The following PTPRD variants were observed in gnomAD, a reference collection of about 807,000 sequenced individuals.
PTPRD encodes the protein protein tyrosine phosphatase receptor type D.
In PTPRD, 34 loss-of-function variants were observed where a neutral mutation model predicts 214.5. The observed-to-expected ratio is 0.16, with a 90% CI of 0.12 to 0.21. The LOEUF is 0.21. PTPRD is among the 10% of genes least tolerant of loss of function. PTPRD has a pLI of 1.00. For synonymous variants in PTPRD, 1,128 were observed against 845.7 expected (o/e 1.33, Z -5.79); for missense variants, 2,545 against 2,398.7 (o/e 1.06, Z -1.27).
At chr9:8,407,307 G>GT (rs935002026) in intron 35 of PTPRD, among the ~76,000 whole-genome samples, 6 of 152,124 alleles carry the variant, frequency 3.9e-5, no homozygotes, top group East Asian at 1.9e-4. Context: ...GGTAGGTATT[G>GT]TTTTTTTCCA....
intron 11 of PTPRD, among the ~76,000 whole-genome samples, chr9:8,824,085 G>A (rs1290405350): frequency 6.6e-6 from 1 of 152,128 alleles, no homozygotes; most frequent in Non-Finnish European, 1.5e-5. Context: ...CTTTGGTGTT[G>A]GTGGGTTTTG....
At chr9:8,337,616 A>C (rs897374779) in intron 43 of PTPRD, among the ~76,000 whole-genome samples, 2 of 151,828 alleles carry the variant, frequency 1.3e-5, no homozygotes, top group East Asian at 3.9e-4. Flanking sequence ...ACAGACAAAC[A>C]GCAAATGTAG....
At position 9,535,059 on chromosome 9, in the gene PTPRD, A is replaced by T. The variant is rs184702768; in HGVS notation, c.-237+39673T>A. Among the ~76,000 whole-genome samples, 29 of 152,192 alleles carry T rather than the reference A, an allele frequency of 1.9e-4. No homozygotes were observed. In the East Asian group the frequency reaches 4.5e-3, roughly 23 times the overall value. On this transcript the variant is annotated intron_variant, in intron 8 of 45. Transcript: ENST00000381196. ...GATATAAGTGGCAGCATCTTTAAAT[A>T]TGGAAAAGTAGATTTGCTTTTCTTT...
chr9:8,593,846 A>G (rs1442022763), intron 14 of PTPRD, among the ~76,000 whole-genome samples: 1 of 152,186 alleles, frequency 6.6e-6, no homozygotes, highest in Non-Finnish European at 1.5e-5. Context: ...TGGATACAAC[A>G]TGATTAAAGA....
chr9:9,617,484 T>C (rs920634215), intron 7 of PTPRD, among the ~76,000 whole-genome samples: 13 of 152,114 alleles, frequency 8.5e-5, no homozygotes, highest in African/African-American at 2.9e-4. Context: ...TGGACACAGA[T>C]TGAATAATGG....
intron 32 of PTPRD, among the ~76,000 whole-genome samples, 182 bp from the exon 33 acceptor site, chr9:8,460,753 T>C (rs1237136653): frequency 6.6e-6 from 1 of 152,052 alleles, no homozygotes; most frequent in African/African-American, 2.4e-5. Flanking sequence ...GGAAGATGTT[T>C]TGTAATACAA....
chr9:10,537,785 C>A (rs1252586855), intron 2 of PTPRD, among the ~76,000 whole-genome samples: 4 of 152,106 alleles, frequency 2.6e-5, no homozygotes, highest in Non-Finnish European at 5.9e-5. Flanking sequence ...ATAACTAAAT[C>A]TTACATGACT....
At chr9:10,563,309 A>C (rs1238881820) in intron 2 of PTPRD, among the ~76,000 whole-genome samples, 1 of 152,206 alleles carries the variant, frequency 6.6e-6, no homozygotes. Flanking sequence ...TGTAAGTTCT[A>C]ATGTGCCATT....
chr9:8,595,172 GTTTTTTT>G (rs60646648), intron 14 of PTPRD, among the ~76,000 whole-genome samples: 1 of 131,600 alleles, frequency 7.6e-6, no homozygotes, highest in Non-Finnish European at 1.7e-5. Context: ...CCCTAAACCT[GTTTTTTT>G]TTTTTTTTTA....
At chr9:9,144,627 C>T (rs1425321706) in intron 10 of PTPRD, among the ~76,000 whole-genome samples, 1 of 151,988 alleles carries the variant, frequency 6.6e-6, no homozygotes, top group Admixed American at 6.6e-5. Flanking sequence ...GTGGCACGCG[C>T]CTGTAATCCC....
intron 2 of PTPRD, among the ~76,000 whole-genome samples, chr9:10,579,374 T>C (rs2132323755): frequency 6.6e-6 from 1 of 152,290 alleles, no homozygotes; most frequent in South Asian, 2.1e-4. Flanking sequence ...GTATTTGGTT[T>C]CCTGTTCCTG....
At chr9:10,031,846 A>G (rs1473127650) in intron 4 of PTPRD, among the ~76,000 whole-genome samples, 1 of 151,722 alleles carries the variant, frequency 6.6e-6, no homozygotes, top group African/African-American at 2.4e-5. Flanking sequence ...TTTTTTGAAG[A>G]CAAGAGATGG....
At chr9:10,402,276 C>G (rs2098281637) in intron 2 of PTPRD, among the ~76,000 whole-genome samples, 1 of 151,544 alleles carries the variant, frequency 6.6e-6, no homozygotes, top group Non-Finnish European at 1.5e-5. Flanking sequence ...GATTACAGAA[C>G]TGACAAAAAT....
chr9:10,474,616 C>G (rs991269535), intron 2 of PTPRD, among the ~76,000 whole-genome samples: 1 of 152,066 alleles, frequency 6.6e-6, no homozygotes, highest in Non-Finnish European at 1.5e-5. Flanking sequence ...GACTTGAACT[C>G]GGCTTTGGAC....
At chr9:10,544,618 T>C (rs180951057) in intron 2 of PTPRD, among the ~76,000 whole-genome samples, 1 of 152,300 alleles carries the variant, frequency 6.6e-6, no homozygotes, top group Admixed American at 6.5e-5. Context: ...TCTAGGACTA[T>C]AAGCACTCTA....
At chr9:10,590,292 CA>C (rs1315240696) in intron 2 of PTPRD, among the ~76,000 whole-genome samples, 2 of 151,930 alleles carry the variant, frequency 1.3e-5, no homozygotes, top group Admixed American at 1.3e-4. Flanking sequence ...ACAATCATGA[CA>C]ATCTTTTTTT....
intron 6 of PTPRD, among the ~76,000 whole-genome samples, chr9:9,746,898 T>G (rs1487974333): frequency 6.6e-6 from 1 of 151,744 alleles, no homozygotes; most frequent in Non-Finnish European, 1.5e-5. Flanking sequence ...GTATATGAAT[T>G]CCTGGACTGC....
At chr9:10,109,384 A>T (rs1043739495) in intron 3 of PTPRD, among the ~76,000 whole-genome samples, 3 of 152,194 alleles carry the variant, frequency 2.0e-5, no homozygotes, top group African/African-American at 7.2e-5. Flanking sequence ...TCCTAATAAA[A>T]GCTGTCAAGT....
At chr9:9,576,173 T>C (rs987364896) in intron 7 of PTPRD, among the ~76,000 whole-genome samples, 6 of 152,206 alleles carry the variant, frequency 3.9e-5, no homozygotes, top group Non-Finnish European at 8.8e-5. Flanking sequence ...AACTAGTTTC[T>C]ACCATAATTG....
Sources: allele counts gnomAD v4.1 joint callset (sites outside exome capture counted in the v4.1 genomes callset), GRCh38; gene constraint gnomAD v4.1.1; transcripts MANE v1.5; gene names NCBI Gene and HGNC (gene_info 2026-07-23, HGNC 2026-07-21).